The following MEGF8 variants were observed in gnomAD, a reference collection of about 807,000 sequenced individuals.
MEGF8 encodes multiple epidermal growth factor-like domains protein 8.
A neutral mutation model predicts 302.9 loss-of-function variants in MEGF8; 156 were observed. That is an observed-to-expected ratio of 0.52 (90% confidence interval 0.45 to 0.59). The LOEUF is 0.59. Among genes scored for constraint, MEGF8 ranks in the 20% least tolerant of loss-of-function variants. The probability of loss-of-function intolerance (pLI) is 0.00; values close to 1 mark genes in which losing one functional copy is unlikely to be tolerated. For synonymous variants in MEGF8, 1,621 were observed against 1,660.5 expected (o/e 0.98, Z 0.58); for missense variants, 3,345 against 3,964.5 (o/e 0.84, Z 4.20).
In MEGF8 at chr19:42,356,328, C is replaced by A; in HGVS notation, c.4504-7C>A. ...GCCTGATCCCCAATGTCCGCACCCA[C>A]CCCTAGGACACTGCCAGCCGCTTCC... On this transcript the variant is annotated splice_region_variant and splice_polypyrimidine_tract_variant and intron_variant, in intron 25 of 41. Transcript: ENST00000251268. This position sits in a 1 kb window ranked among gnomAD's most constrained non-coding sequence, Gnocchi z 5.2. 1.2e-6 allele frequency: 2 copies of A among 1,610,070 alleles called. No homozygotes were observed. The highest frequency in any genetic ancestry group is 1.7e-6 in the Non-Finnish European group (2 of 1,178,456).
Position 42,356,248 on chromosome 19 carries a change from C to T in MEGF8, c.4503+55C>T. The T allele has an allele frequency of 2.0e-6, 3 of 1,522,582 alleles. No homozygotes were observed. The highest frequency in any genetic ancestry group is 2.5e-5 in the South Asian group (2 of 79,892). The allele number at this position is 1,522,582 out of a possible 1,614,324, so 94.3% of individuals were successfully genotyped here. A position where few individuals can be genotyped will look rare whatever the true frequency, so the allele number is the denominator to read the frequency against. On this transcript the variant is annotated intron_variant, in intron 25 of 41. Transcript: ENST00000251268. This position sits in a 1 kb window ranked among gnomAD's most constrained non-coding sequence, Gnocchi z 5.2. The stretch of plus-strand genomic sequence containing the variant: ...TGGTTGCTCCCAGGTCGTTCTCCCA[C>T]CTCCATTCCTGGGACCACCCCTACA...
At position 42,358,865 on chromosome 19, in the gene MEGF8, T is replaced by C. The variant is rs771633323; in HGVS notation, c.5254T>C (p.Phe1752Leu). ...TGGGGAGCAGCCTGGGTCATGGGGGTTCCGGGAAGTCAGGAAGAAGATGGC... is the reference window on the plus strand; with the variant it reads ...TGGGGAGCAGCCTGGGTCATGGGGGCTCCGGGAAGTCAGGAAGAAGATGGC... ...VPGEQPGSWGFREVRKKMALW... is the reference protein window; with the variant it reads ...VPGEQPGSWGLREVRKKMALW... Residue 1752 changes from phenylalanine (F) to leucine (L), a missense_variant, in exon 30 of 42, where the codon TTC becomes CTC. Physicochemically the swap from Phe to Leu is conservative, Grantham distance 22. Coordinates refer to ENST00000251268, the MANE Select transcript of MEGF8 (RefSeq NM_001271938.2). This position sits in a 1 kb window ranked among gnomAD's most constrained non-coding sequence, Gnocchi z 4.4. The C allele has an allele frequency of 6.8e-6, 11 of 1,609,086 alleles. No homozygotes were observed. Among genetic ancestry groups the C allele is most frequent in the East Asian group, 2.2e-5 (1 of 44,736 alleles).
Position 42,335,287 on chromosome 19 carries a change from C to A in MEGF8, c.740-10C>A, listed in dbSNP as rs1026737444. 1.2e-5 allele frequency: 19 copies of A among 1,613,988 alleles called. No homozygotes were observed. Among genetic ancestry groups the A allele is most frequent in the Non-Finnish European group, 1.6e-5 (19 of 1,179,850 alleles). ...ATGGCCAGGGCATGAGACTATCCAC[C>A]CCTCCACAGGCCAGGACCTCAACAA... On this transcript the variant is annotated splice_polypyrimidine_tract_variant and intron_variant, in intron 4 of 41. Coordinates refer to ENST00000251268, the MANE Select transcript of MEGF8 (RefSeq NM_001271938.2).
At position 42,375,522 on chromosome 19, in the gene MEGF8, G is replaced by A; in HGVS notation, c.7285G>A (p.Glu2429Lys). The change falls in exon 42 of 42, where the codon GAA becomes AAA. Residue 2429 changes from glutamate to lysine, a missense_variant. Coordinates refer to ENST00000251268, the MANE Select transcript of MEGF8 (RefSeq NM_001271938.2). This position sits in a 1 kb window ranked among gnomAD's most constrained non-coding sequence, Gnocchi z 7.1. ...CYKYQCAKCR[E>K]SFHGSPLGGQ... ...CTGCCCGCAGTGCGCCAAGTGCCGG[G>A]AATCATTTCACGGGAGTCCGCTGGG... is the stretch of plus-strand genomic sequence containing the variant. 1 of 1,586,718 alleles carries A rather than the reference G, an allele frequency of 6.3e-7. No homozygotes were observed.
At chr19:42,339,168 AT>A (rs976053982) in intron 8 of MEGF8, among the ~76,000 whole-genome samples, 10 of 152,108 alleles carry the variant, frequency 6.6e-5, no homozygotes, top group Non-Finnish European at 1.2e-4. Context: ...ATTGATGGGC[AT>A]TTAGGTTGAT....
At position 42,344,910 on chromosome 19, in the gene MEGF8, T is replaced by G; in HGVS notation, c.2097+77T>G. ...GTTTGTTTTTTCTCAAATGCATCTT[T>G]ATCACTCTTATGTTTACTCCAAAAC... On this transcript the variant is annotated intron_variant, in intron 12 of 41. Coordinates refer to ENST00000251268, the MANE Select transcript of MEGF8 (RefSeq NM_001271938.2). This position sits in a 1 kb window ranked among gnomAD's most constrained non-coding sequence, Gnocchi z 4.5. 1.4e-6 allele frequency: 2 copies of G among 1,396,068 alleles called. No homozygotes were observed. The highest frequency in any genetic ancestry group is 1.9e-6 in the Non-Finnish European group (2 of 1,042,260). 86.5% of individuals were successfully genotyped at this position (1,396,068 alleles called of 1,614,324 possible). A position where few individuals can be genotyped will look rare whatever the true frequency, so the allele number is the denominator to read the frequency against.
chr19:42,372,110 A>G (rs991466241), intron 41 of MEGF8, among the ~76,000 whole-genome samples: 3 of 152,052 alleles, frequency 2.0e-5, no homozygotes, highest in Non-Finnish European at 4.4e-5. Context: ...ACAGAAGAAA[A>G]GAAAATGTAT....
Position 42,375,384 on chromosome 19 carries a change from G to A in MEGF8, c.7270-123G>A. On this transcript the variant is annotated intron_variant, in intron 41 of 41. Coordinates refer to ENST00000251268, the MANE Select transcript of MEGF8 (RefSeq NM_001271938.2). This position sits in a 1 kb window ranked among gnomAD's most constrained non-coding sequence, Gnocchi z 7.1. Reference sequence around the variant, plus strand: ...GTCACAGGGAAGTGACTGGGGCAGTGGGGGTGAGGCCCAGGGCAATGGCTA... The same window carrying A: ...GTCACAGGGAAGTGACTGGGGCAGTAGGGGTGAGGCCCAGGGCAATGGCTA... 1 of 1,017,256 alleles carries A rather than the reference G, an allele frequency of 9.8e-7. No homozygotes were observed. The allele number at this position is 1,017,256 out of a possible 1,614,324, so 63.0% of individuals were successfully genotyped here. A position where few individuals can be genotyped will look rare whatever the true frequency, so the allele number is the denominator to read the frequency against.
chr19:42,326,185 G>A lies in MEGF8; in HGVS notation c.-59G>A, dbSNP rs1401642670. On this transcript the variant is annotated 5_prime_UTR_variant, in exon 1 of 42. Coordinates refer to ENST00000251268, the MANE Select transcript of MEGF8 (RefSeq NM_001271938.2). ...TTGCAGGGCCTCACCCCGGGTAGAG[G>A]GTCCTCTCCAGGTTTTTACGGCCTG... 80 of 1,445,912 alleles carry A rather than the reference G, an allele frequency of 5.5e-5. No homozygotes were observed. The highest frequency in any genetic ancestry group is 7.1e-5 in the Non-Finnish European group (78 of 1,105,570). The allele number at this position is 1,445,912 out of a possible 1,614,324, so 89.6% of individuals were successfully genotyped here.
Position 42,376,964 on chromosome 19 carries a change from C to A in MEGF8, c.*189C>A. The A allele has an allele frequency of 1.8e-6, 1 of 562,908 alleles. No homozygotes were observed. 34.9% of individuals were successfully genotyped at this position (562,908 alleles called of 1,614,324 possible). ...GCTATTTATCGAGTACCTACTCTGT[C>A]AGGCACTGTCATAGGCGTGGGGCAA... On this transcript the variant is annotated 3_prime_UTR_variant, in exon 42 of 42. Coordinates refer to ENST00000251268, the MANE Select transcript of MEGF8 (RefSeq NM_001271938.2). This position sits in a 1 kb window ranked among gnomAD's most constrained non-coding sequence, Gnocchi z 8.2.
chr19:42,368,439 C>T lies in MEGF8; in HGVS notation c.6274-16C>T, dbSNP rs778001026. ...CTCTCTCTTCCCTGCATCCCCATCC[C>T]CTCCCCCCCATACAGTGTCTGAGCC... On this transcript the variant is annotated splice_polypyrimidine_tract_variant and intron_variant, in intron 35 of 41. Coordinates refer to ENST00000251268, the MANE Select transcript of MEGF8 (RefSeq NM_001271938.2). This position sits in a 1 kb window ranked among gnomAD's most constrained non-coding sequence, Gnocchi z 4.9. 1.8e-5 allele frequency: 29 copies of T among 1,573,090 alleles called. No individual in the cohort carries two copies. The highest frequency in any genetic ancestry group is 2.3e-5 in the Non-Finnish European group (27 of 1,157,462).
At chr19:42,334,254 C>A (rs771996582) in intron 3 of MEGF8, 41 bp downstream of exon 3, 6 of 1,528,714 alleles carry the variant, frequency 3.9e-6, no homozygotes, top group Non-Finnish European at 5.3e-6. Context: ...GGGCCCTGAT[C>A]TGTGAGCGCA....
At chr19:42,338,208 G>A (rs1440693814) in intron 8 of MEGF8, among the ~76,000 whole-genome samples, 1 of 151,724 alleles carries the variant, frequency 6.6e-6, no homozygotes, top group Admixed American at 6.6e-5. Flanking sequence ...CATCACCCAG[G>A]TATTAAGCCT....
At chr19:42,330,429 G>C (rs1303073826) in intron 1 of MEGF8, among the ~76,000 whole-genome samples, 1 of 152,196 alleles carries the variant, frequency 6.6e-6, no homozygotes, top group Non-Finnish European at 1.5e-5. Context: ...TCCAGAAACA[G>C]AGCTTTATAG....
rs772621439 is a variant in MEGF8, at chr19:42,352,468, G to A, written c.3350+12G>A. ...CACTGCAACCGCACGTGAGTGAGGC[G>A]GGGGTTGCTATGGAGATGTTGCCCC... On this transcript the variant is annotated intron_variant, in intron 19 of 41. Coordinates refer to ENST00000251268, the MANE Select transcript of MEGF8 (RefSeq NM_001271938.2). This position sits in a 1 kb window ranked among gnomAD's most constrained non-coding sequence, Gnocchi z 4.4. The A allele has an allele frequency of 2.0e-5, 32 of 1,576,170 alleles. No homozygotes were observed. Among genetic ancestry groups the A allele is most frequent in the Admixed American group, 3.5e-5 (2 of 56,650 alleles).
rs1600083445 is a variant in MEGF8 at position 42,376,409 on chromosome 19, C to T, written c.8172C>T (p.Ala2724=). The change falls in exon 42 of 42, where the codon GCC becomes GCT. Residue 2724 remains alanine, a synonymous_variant. Coordinates refer to ENST00000251268, the MANE Select transcript of MEGF8 (RefSeq NM_001271938.2). The surrounding 1 kb of genome is among the most constrained non-coding windows in gnomAD (Gnocchi z 8.2). ...AGCCGGCTGGGCTCCCACCTCCCGC[C>T]TTCCGCCGCTCTGAGCCCTTCCTGG... ...AWKPAGLPPP[A]FRRSEPFLAP... is the part of the protein sequence containing the mutation. 2.5e-6 allele frequency: 4 copies of T among 1,612,714 alleles called. No individual in the cohort carries two copies. In the Admixed American group the frequency reaches 5.0e-5, roughly 20 times the overall value.
In MEGF8 at chr19:42,375,587, G is replaced by GTGC; in HGVS notation, c.7354_7356dup (p.Cys2452dup). On this transcript the variant is annotated inframe_insertion, in exon 42 of 42. Transcript: ENST00000251268. The surrounding 1 kb of genome is among the most constrained non-coding windows in gnomAD (Gnocchi z 7.1). ...ACCGCCTCATCTCGGTGGAGCAGGA[G>GTGC]TGCTGCCTGGACCCCACGTCCCAGA... 2 of 1,584,884 alleles carry GTGC rather than the reference G, an allele frequency of 1.3e-6. No individual in the cohort carries two copies. The highest frequency in any genetic ancestry group is 1.7e-6 in the Non-Finnish European group (2 of 1,166,784).
chr19:42,362,487 G>A lies in MEGF8; in HGVS notation c.5948G>A (p.Arg1983Gln). 6 of 1,613,976 alleles carry A rather than the reference G, an allele frequency of 3.7e-6. No individual in the cohort carries two copies. Among genetic ancestry groups the A allele is most frequent in the Non-Finnish European group, 5.1e-6 (6 of 1,179,894 alleles). ...GAGAATGACTGTCGGATCAACCAGC[G>A]AGAGGTCTTCTGGGCAGGGAACTGC... is the stretch of plus-strand genomic sequence containing the variant. ...TSENDCRINQ[R>Q]EVFWAGNCSE... The change falls in exon 34 of 42, where the codon CGA becomes CAA. Residue 1983 changes from arginine to glutamine, a missense_variant. By Grantham distance (43) the Arg-to-Gln change is conservative. Transcript: ENST00000251268.
chr19:42,370,377 G>A lies in MEGF8; in HGVS notation c.7005+18G>A, dbSNP rs1600075898. The A allele has an allele frequency of 4.5e-6, 7 of 1,550,910 alleles. No homozygotes were observed. The highest frequency in any genetic ancestry group is 4.1e-5 in the African/African-American group (3 of 73,506). On this transcript the variant is annotated intron_variant, in intron 39 of 41. Transcript: ENST00000251268. ...CAGAGGAGGTGAAAGAGAGGGGTCA[G>A]ATGCCTGGGTCTGAGGGAGGAGGGG...
Sources: gnomAD v4.1 joint callset for allele counts (sites outside exome capture counted in the v4.1 genomes callset) on GRCh38, gnomAD v4.1.1 for gene constraint, Gnocchi (gnomAD v3.1) non-coding constraint, MANE v1.5 for transcripts, NCBI Gene and HGNC (gene_info 2026-07-23, HGNC 2026-07-21) for gene names.